The following CNTNAP5 variants were observed in gnomAD, a reference collection of about 807,000 sequenced individuals.
CNTNAP5 encodes the protein contactin associated protein family member 5.
In CNTNAP5, 72 loss-of-function variants were observed where a neutral mutation model predicts 150.2. That is an observed-to-expected ratio of 0.48 (90% confidence interval 0.40 to 0.58). The LOEUF (loss-of-function observed/expected upper bound fraction) is 0.58. Among genes scored for constraint, CNTNAP5 ranks in the 20% least tolerant of loss-of-function variants. The pLI is 0.00. For missense variants in CNTNAP5, 1,636 were observed against 1,626.2 expected, an observed-to-expected ratio of 1.01 and a Z score of -0.10; for synonymous variants, 672 against 619.8, an observed-to-expected ratio of 1.08 and a Z score of -1.25.
chr2:124,706,844 A>AGGGGG (rs1326458215), intron 13 of CNTNAP5, among the ~76,000 whole-genome samples: 114 of 2,658 alleles, frequency 0.043, 25 homozygotes, highest in Non-Finnish European at 0.093. Context: ...GAGGGGGAGG[A>AGGGGG]AGGAGGAGGA....
At chr2:124,547,334 C>T (rs190137166) in intron 10 of CNTNAP5, among the ~76,000 whole-genome samples, 12 of 152,264 alleles carry the variant, frequency 7.9e-5, no homozygotes, top group Admixed American at 7.8e-4. Context: ...ATCTGTATGG[C>T]ATTTAATTCT....
At chr2:124,028,611 A>C (rs1306935082) in intron 1 of CNTNAP5, among the ~76,000 whole-genome samples, 1 of 152,160 alleles carries the variant, frequency 6.6e-6, no homozygotes, top group Non-Finnish European at 1.5e-5. Flanking sequence ...GAATTAGTTA[A>C]CATCAAATGT....
chr2:124,547,478 C>T (rs1018268166), intron 10 of CNTNAP5, among the ~76,000 whole-genome samples: 5 of 152,132 alleles, frequency 3.3e-5, no homozygotes, highest in South Asian at 2.1e-4. Flanking sequence ...CATGCAAAAG[C>T]GAGAGCCAGT....
chr2:124,713,581 G>A (rs111429902), intron 13 of CNTNAP5, among the ~76,000 whole-genome samples: 2,045 of 151,598 alleles, frequency 0.013, 25 homozygotes, highest in Middle Eastern at 0.041. Flanking sequence ...TCACTATGTC[G>A]GCTAGGGTGG....
chr2:124,607,149 A>G (rs769554439), intron 11 of CNTNAP5, among the ~76,000 whole-genome samples: 1 of 152,210 alleles, frequency 6.6e-6, no homozygotes, highest in East Asian at 1.9e-4. Flanking sequence ...AGGATTCTAA[A>G]ACAACACCTG....
At chr2:124,187,997 G>A (rs910405380) in intron 1 of CNTNAP5, among the ~76,000 whole-genome samples, 2 of 152,162 alleles carry the variant, frequency 1.3e-5, no homozygotes, top group African/African-American at 4.8e-5. Flanking sequence ...TCAGGGAGTA[G>A]GGATGAGCAC....
chr2:124,691,245 G>A (rs1679294844), intron 13 of CNTNAP5, among the ~76,000 whole-genome samples: 1 of 152,034 alleles, frequency 6.6e-6, no homozygotes, highest in Admixed American at 6.6e-5. Flanking sequence ...CTGGGTGTAG[G>A]GGTTTTATGA....
intron 19 of CNTNAP5, among the ~76,000 whole-genome samples, chr2:124,863,386 C>T (rs955724040): frequency 1.9e-4 from 29 of 152,326 alleles, no homozygotes; most frequent in African/African-American, 7.0e-4. Flanking sequence ...CTACCAGCTC[C>T]TGTCTGCACA....
At chr2:124,907,800 G>A (rs1479729720) in intron 22 of CNTNAP5, among the ~76,000 whole-genome samples, 1 of 150,604 alleles carries the variant, frequency 6.6e-6, no homozygotes, top group South Asian at 2.1e-4. Flanking sequence ...ATTAAGCATG[G>A]ATATAGGCAT....
intron 1 of CNTNAP5, among the ~76,000 whole-genome samples, chr2:124,172,588 A>G (rs1684959673): frequency 1.3e-5 from 2 of 151,952 alleles, no homozygotes; most frequent in South Asian, 2.1e-4. Flanking sequence ...TTTTTTTAGT[A>G]TTTTTAGTAC....
intron 5 of CNTNAP5, among the ~76,000 whole-genome samples, chr2:124,444,232 GGCCGGTCTTATA>G (rs993761916): frequency 2.6e-5 from 4 of 151,926 alleles, no homozygotes; most frequent in African/African-American, 9.7e-5. Flanking sequence ...TCCAGATTAT[GGCCGGTCTTATA>G]GCCAGTCTTA....
intron 2 of CNTNAP5, among the ~76,000 whole-genome samples, chr2:124,230,065 T>C (rs1427657250): frequency 4.6e-5 from 7 of 152,162 alleles, no homozygotes; most frequent in Non-Finnish European, 8.8e-5. Context: ...TGATTTCTTA[T>C]GTCAAGGCAT....
chr2:124,407,141 A>G (rs541563862), intron 3 of CNTNAP5, among the ~76,000 whole-genome samples: 1 of 152,258 alleles, frequency 6.6e-6, no homozygotes, highest in South Asian at 2.1e-4. Flanking sequence ...TAGTGCTGTG[A>G]TAAACATGGG....
intron 1 of CNTNAP5, among the ~76,000 whole-genome samples, chr2:124,048,869 AT>A (rs1176961422): frequency 6.6e-6 from 1 of 152,220 alleles, no homozygotes; most frequent in Non-Finnish European, 1.5e-5. Flanking sequence ...TCCTTGAAGA[AT>A]ATCACTAAGG....
intron 11 of CNTNAP5, among the ~76,000 whole-genome samples, chr2:124,578,075 C>T (rs1157168173): frequency 1.4e-5 from 2 of 147,520 alleles, no homozygotes; most frequent in Non-Finnish European, 3.0e-5. Flanking sequence ...TTTGGGAGGC[C>T]GAGGTGGGTG....
chr2:124,432,004 C>T (rs1692402292), intron 4 of CNTNAP5, among the ~76,000 whole-genome samples: 1 of 152,268 alleles, frequency 6.6e-6, no homozygotes, highest in East Asian at 1.9e-4. Flanking sequence ...CTGCCATGTT[C>T]AGGCTCTGTG....
At chr2:124,119,955 A>T (rs1214176435) in intron 1 of CNTNAP5, among the ~76,000 whole-genome samples, 1 of 152,108 alleles carries the variant, frequency 6.6e-6, no homozygotes, top group Non-Finnish European at 1.5e-5. Context: ...CACCTTGAGG[A>T]CCTAAAAAGT....
chr2:124,521,213 G>A lies in CNTNAP5; in HGVS notation c.1328-3090G>A, dbSNP rs371803897. Among the ~76,000 whole-genome samples, 48 of 152,228 alleles carry A rather than the reference G, an allele frequency of 3.2e-4. 2 individuals are homozygous for A. In the South Asian group the frequency reaches 8.5e-3, roughly 27 times the overall value. ...CCAGAAATCTGACTTAATTAACCTG[G>A]AGTGAGCCCCAGGTTCTGTATTTTC... is the stretch of plus-strand genomic sequence containing the variant. On this transcript the variant is annotated intron_variant, in intron 8 of 23. Transcript: ENST00000682447.
At chr2:124,139,622 C>T (rs1042690050) in intron 1 of CNTNAP5, among the ~76,000 whole-genome samples, 2 of 152,202 alleles carry the variant, frequency 1.3e-5, no homozygotes, top group Admixed American at 6.5e-5. Context: ...TCTCCAGAGA[C>T]CGGCGAAGGA....
Sources: gnomAD v4.1 joint callset for allele counts (sites outside exome capture counted in the v4.1 genomes callset) on GRCh38, gnomAD v4.1.1 for gene constraint, MANE v1.5 for transcripts, NCBI Gene and HGNC (gene_info 2026-07-23, HGNC 2026-07-21) for gene names.